KCNH8: variants seen among roughly 807,000 people sequenced by gnomAD.
The protein encoded by KCNH8 is voltage-gated delayed rectifier potassium channel KCNH8.
KCNH8 carries 70 observed loss-of-function variants against 103.6 expected under a neutral mutation model. That is an observed-to-expected ratio of 0.68 (90% CI 0.56 to 0.82). The LOEUF (loss-of-function observed/expected upper bound fraction) is 0.82. KCNH8 is among the 40% of genes least tolerant of loss of function. The pLI is 0.00. For missense variants in KCNH8, 1,217 were observed against 1,329.9 expected (o/e 0.92, Z 1.32); for synonymous variants, 498 against 489.4 (o/e 1.02, Z -0.23).
intron 11 of KCNH8, among the ~76,000 whole-genome samples, chr3:19,500,863 TA>T (rs1188806284): frequency 6.6e-6 from 1 of 151,948 alleles, no homozygotes; most frequent in Non-Finnish European, 1.5e-5. Context: ...ACATGACAAT[TA>T]AAAGATCTAG....
At chr3:19,447,341 CTAGTACTT>C (rs1400240968) in intron 8 of KCNH8, among the ~76,000 whole-genome samples, 2 of 151,962 alleles carry the variant, frequency 1.3e-5, no homozygotes, top group Non-Finnish European at 2.9e-5. Flanking sequence ...CAGACATAGA[CTAGTACTT>C]TTCAACAACA....
chr3:19,371,148 TG>T (rs2066087057), intron 5 of KCNH8, among the ~76,000 whole-genome samples: 5 of 150,496 alleles, frequency 3.3e-5, no homozygotes, highest in Admixed American at 3.3e-4. Context: ...CTGGGTCAAA[TG>T]GTATTTCTAG....
intron 8 of KCNH8, among the ~76,000 whole-genome samples, chr3:19,449,291 C>CATATATATATATATATATAT (rs71055066): frequency 1.4e-5 from 2 of 140,142 alleles, no homozygotes; most frequent in East Asian, 2.1e-4. Context: ...ACAAGAGTCC[C>CATATATATATATATATATAT]ATATATATAT....
chr3:19,397,396 A>G (rs1324826901), intron 7 of KCNH8, among the ~76,000 whole-genome samples: 4 of 151,764 alleles, frequency 2.6e-5, no homozygotes, highest in Non-Finnish European at 2.9e-5. Context: ...CTCGTCTACA[A>G]TGTGAAAAAG....
chr3:19,499,287 CTG>C (rs2068521681), intron 11 of KCNH8, among the ~76,000 whole-genome samples: 1 of 152,122 alleles, frequency 6.6e-6, no homozygotes, highest in Non-Finnish European at 1.5e-5. Context: ...ATATGGGACT[CTG>C]TGAAAAGACC....
intron 11 of KCNH8, among the ~76,000 whole-genome samples, chr3:19,482,162 A>C (rs1178935691): frequency 2.6e-5 from 4 of 152,204 alleles, no homozygotes; most frequent in African/African-American, 7.2e-5. Context: ...AGAATGGAAG[A>C]GAACAGGACA....
intron 2 of KCNH8, among the ~76,000 whole-genome samples, chr3:19,258,945 CTCTATATA>C (rs1209024878): frequency 3.7e-3 from 157 of 42,236 alleles, no homozygotes; most frequent in South Asian, 9.0e-3. Context: ...CTCTCTCTCT[CTCTATATA>C]TATATATATA....
intron 11 of KCNH8, among the ~76,000 whole-genome samples, chr3:19,462,425 T>A (rs1004184364): frequency 6.6e-6 from 1 of 152,232 alleles, no homozygotes; most frequent in Admixed American, 6.5e-5. Flanking sequence ...GTCTGTTGGC[T>A]GCATAAGTGT....
At chr3:19,174,475 G>A (rs1333462004) in intron 1 of KCNH8, among the ~76,000 whole-genome samples, 1 of 152,160 alleles carries the variant, frequency 6.6e-6, no homozygotes, top group Non-Finnish European at 1.5e-5. Context: ...ATGGGGTTAA[G>A]CAAGCTAGTG....
intron 3 of KCNH8, among the ~76,000 whole-genome samples, chr3:19,331,248 T>TA (rs1468151910): frequency 1.3e-4 from 18 of 135,708 alleles, no homozygotes; most frequent in South Asian, 2.3e-4. Flanking sequence ...TCTTTAATTA[T>TA]TTTTATTTAT....
intron 7 of KCNH8, among the ~76,000 whole-genome samples, chr3:19,402,128 A>G: frequency 6.6e-6 from 1 of 152,090 alleles, no homozygotes; most frequent in Admixed American, 6.6e-5. Context: ...GCAGCATATA[A>G]TAAGCTCAGA....
intron 1 of KCNH8, among the ~76,000 whole-genome samples, chr3:19,221,452 TA>T (rs2063873350): frequency 6.6e-6 from 1 of 152,204 alleles, no homozygotes; most frequent in Non-Finnish European, 1.5e-5. Context: ...ATAAAGCCAT[TA>T]TGTTATTTTT....
intron 11 of KCNH8, among the ~76,000 whole-genome samples, chr3:19,498,610 C>T (rs1174773918): frequency 1.3e-5 from 2 of 152,210 alleles, no homozygotes; most frequent in African/African-American, 4.8e-5. Flanking sequence ...CAGCTTTCTT[C>T]TGTTGCTGGT....
intron 7 of KCNH8, among the ~76,000 whole-genome samples, chr3:19,431,612 G>GGTTT (rs763969803): frequency 6.6e-6 from 1 of 152,040 alleles, no homozygotes; most frequent in Non-Finnish European, 1.5e-5. Context: ...TGTGGTCATG[G>GGTTT]GTTTGTTTGT....
chr3:19,216,759 C>T (rs1052722016), intron 1 of KCNH8, among the ~76,000 whole-genome samples: 2 of 152,164 alleles, frequency 1.3e-5, no homozygotes, highest in Admixed American at 6.5e-5. Flanking sequence ...ATGTTCTCTT[C>T]AGTTTTGTAG....
chr3:19,479,718 A>C (rs897999374), intron 11 of KCNH8, among the ~76,000 whole-genome samples: 4 of 152,176 alleles, frequency 2.6e-5, no homozygotes, highest in African/African-American at 9.7e-5. Flanking sequence ...ATTATATGAT[A>C]CTTATTATGA....
At chr3:19,258,941 CTCTCTCTATATATATATATA>C (rs1257026094) in intron 2 of KCNH8, among the ~76,000 whole-genome samples, 3 of 64,528 alleles carry the variant, frequency 4.6e-5, no homozygotes, top group African/African-American at 6.6e-5. Flanking sequence ...CTCTCTCTCT[CTCTCTCTATATATATATATA>C]TATATATATA....
intron 1 of KCNH8, among the ~76,000 whole-genome samples, chr3:19,176,899 A>T (rs900882504): frequency 3.9e-5 from 6 of 152,170 alleles, no homozygotes; most frequent in African/African-American, 1.4e-4. Flanking sequence ...ATTTTGTCAA[A>T]CAATCAATAC....
At chr3:19,284,411 T>C (rs2064799280) in intron 3 of KCNH8, among the ~76,000 whole-genome samples, 2 of 151,998 alleles carry the variant, frequency 1.3e-5, no homozygotes, top group African/African-American at 2.4e-5. Flanking sequence ...TGGGATATAA[T>C]ATAGGCCTTT....
Sources: gnomAD v4.1 joint callset for allele counts (sites outside exome capture counted in the v4.1 genomes callset) on GRCh38, gnomAD v4.1.1 for gene constraint, MANE v1.5 for transcripts, NCBI Gene and HGNC (gene_info 2026-07-23, HGNC 2026-07-21) for gene names.